The following ZZEF1 variants were observed in gnomAD, a reference collection of about 807,000 sequenced individuals.
ZZEF1 encodes the protein zinc finger ZZ-type and EF-hand domain-containing protein 1.
In ZZEF1, 157 loss-of-function variants were observed where a neutral mutation model predicts 342.8. That is an observed-to-expected ratio of 0.46 (90% CI 0.40 to 0.52). ZZEF1 has a LOEUF of 0.52. ZZEF1 is among the 20% of genes least tolerant of loss of function. The pLI is 0.00. For missense variants in ZZEF1, 3,480 were observed against 3,725.6 expected (o/e 0.93, Z 1.72); for synonymous variants, 1,505 against 1,429.1 (o/e 1.05, Z -1.20).
intron 23 of ZZEF1, among the ~76,000 whole-genome samples, chr17:4,074,719 GCTCTAACTGTGAGGCAGA>G (rs1378150474): frequency 6.6e-6 from 1 of 152,218 alleles, no homozygotes; most frequent in Non-Finnish European, 1.5e-5. Flanking sequence ...AGCTCAAGCA[GCTCTAACTGTGAGGCAGA>G]CTCTTGGCTT....
intron 11 of ZZEF1, among the ~76,000 whole-genome samples, 184 bp downstream of exon 11, chr17:4,095,647 T>A (rs1273255983): frequency 6.6e-6 from 1 of 152,170 alleles, no homozygotes; most frequent in East Asian, 1.9e-4. Flanking sequence ...CAAATTAACA[T>A]ACACATCTTC....
Position 4,008,867 on chromosome 17 carries a change from G to A in ZZEF1, c.8805+16C>T, listed in dbSNP as rs1166234839. On this transcript the variant is annotated intron_variant, in intron 54 of 54. Coordinates refer to ENST00000381638, the MANE Select transcript of ZZEF1 (RefSeq NM_015113.4). The surrounding 1 kb of genome is among the most constrained non-coding windows in gnomAD (Gnocchi z 4.2). ...CCCCAGCCTGGGGGCCAGCTCTGTT[G>A]GGGTGGAGAGAGTACCTGTGCCGCA... The A allele has an allele frequency of 9.1e-6, 14 of 1,545,538 alleles. No homozygotes were observed. In the Admixed American group the frequency reaches 2.7e-4, roughly 30 times the overall value.
At chr17:4,078,906 C>G (rs1388008299) in intron 18 of ZZEF1, among the ~76,000 whole-genome samples, 1 of 152,136 alleles carries the variant, frequency 6.6e-6, no homozygotes, top group Middle Eastern at 3.2e-3. Context: ...CTGATTGAAC[C>G]CTAACTCTTT....
intron 51 of ZZEF1, 89 bp from the exon 52 acceptor site, chr17:4,013,703 T>G: frequency 7.4e-7 from 1 of 1,343,282 alleles, no homozygotes; most frequent in African/African-American, 1.5e-5. Flanking sequence ...TTGTGTACGT[T>G]AAGAATTCTA....
chr17:4,064,279 A>T, intron 29 of ZZEF1, 82 bp downstream of exon 29: 1 of 1,076,046 alleles, frequency 9.3e-7, no homozygotes, highest in Non-Finnish European at 1.3e-6. Context: ...GTTCGTTTTT[A>T]ACATGAACTT....
rs149319557 is a variant in ZZEF1 at position 4,080,380 on chromosome 17, C to T, written c.2829+996G>A. 4.4e-3 allele frequency among the ~76,000 whole-genome samples: 671 copies of T among 151,976 alleles called. 6 individuals are homozygous for T. Among genetic ancestry groups the T allele is most frequent in the Non-Finnish European group, 6.2e-3 (424 of 67,990 alleles). On this transcript the variant is annotated intron_variant, in intron 18 of 54. Coordinates refer to ENST00000381638, the MANE Select transcript of ZZEF1 (RefSeq NM_015113.4). ...TTTTGAGACAGAGTTTCGCTCGTTG[C>T]CCAGGCTGGAGTGCTATGGCGCGAT...
At chr17:4,087,869 T>C (rs2145367903) in intron 13 of ZZEF1, among the ~76,000 whole-genome samples, 1 of 151,202 alleles carries the variant, frequency 6.6e-6, no homozygotes, top group South Asian at 2.1e-4. Context: ...CATAAGCCAG[T>C]CTTTCCTGGA....
chr17:4,078,195 G>C (rs989405208), intron 18 of ZZEF1, among the ~76,000 whole-genome samples, 153 bp from the exon 19 acceptor site: 2 of 152,170 alleles, frequency 1.3e-5, no homozygotes, highest in African/African-American at 4.8e-5. Flanking sequence ...CAGTCACCAA[G>C]AAAGATGGTA....
At position 4,082,489 on chromosome 17, in the gene ZZEF1, C is replaced by T. The variant is rs777140239; in HGVS notation, c.2662G>A (p.Glu888Lys). ...LFTMMNVTEQ[E>K]HKQSLQLTFR... Reference sequence around the variant, plus strand: ...GTGAGCTGCAGGGACTGCTTGTGCTCCTGCTCGGTGACATTCTTCTAGAAA... The same window carrying T: ...GTGAGCTGCAGGGACTGCTTGTGCTTCTGCTCGGTGACATTCTTCTAGAAA... The change falls in exon 17 of 55, where the codon GAG becomes AAG. Residue 888 changes from glutamate (E) to lysine (K), a missense_variant. Physicochemically the swap from Glu to Lys is moderately conservative, Grantham distance 56. Coordinates refer to ENST00000381638, the MANE Select transcript of ZZEF1 (RefSeq NM_015113.4). 22 of 1,613,918 alleles carry T rather than the reference C, an allele frequency of 1.4e-5. No individual in the cohort carries two copies. Among genetic ancestry groups the T allele is most frequent in the Non-Finnish European group, 1.9e-5 (22 of 1,179,990 alleles).
intron 2 of ZZEF1, among the ~76,000 whole-genome samples, chr17:4,120,282 G>A (rs1373141707): frequency 4.0e-5 from 6 of 151,842 alleles, no homozygotes; most frequent in African/African-American, 9.7e-5. Flanking sequence ...GCTTGAATCC[G>A]GGAGGCAGAA....
rs766456952 is a variant in ZZEF1 at position 4,006,912 on chromosome 17, C to T, written c.8864G>A (p.Arg2955His). 2.5e-6 allele frequency: 4 copies of T among 1,569,666 alleles called. No individual in the cohort carries two copies. The highest frequency in any genetic ancestry group is 2.3e-5 in the East Asian group (1 of 42,746). ...LAINYPNKAT[R>H]LWNVEC ...GGGCTAACACTCCACATTCCAGAGGCGGGTGGCCTTGTTTGGGTAGTTGAT... is the reference window on the plus strand; with the variant it reads ...GGGCTAACACTCCACATTCCAGAGGTGGGTGGCCTTGTTTGGGTAGTTGAT... The change falls in exon 55 of 55, where the codon CGC (arginine) becomes CAC (histidine). Residue 2955 changes from arginine (R) to histidine (H), a missense_variant. By Grantham distance (29) the Arg-to-His change is conservative. Coordinates refer to ENST00000381638, the MANE Select transcript of ZZEF1 (RefSeq NM_015113.4).
intron 40 of ZZEF1, 70 bp downstream of exon 40, chr17:4,033,945 T>C: frequency 4.4e-6 from 7 of 1,574,344 alleles, no homozygotes; most frequent in Non-Finnish European, 5.2e-6. Flanking sequence ...AGCCAGACCT[T>C]CAACTTAAAC....
At chr17:4,133,659 T>C (rs1217800439) in intron 1 of ZZEF1, among the ~76,000 whole-genome samples, 1 of 152,132 alleles carries the variant, frequency 6.6e-6, no homozygotes, top group African/African-American at 2.4e-5. Context: ...CAACTCCTGC[T>C]GTGTATTGCT....
chr17:4,074,088 A>G, intron 24 of ZZEF1, 62 bp downstream of exon 24: 1 of 1,581,212 alleles, frequency 6.3e-7, no homozygotes, highest in Non-Finnish European at 8.6e-7. Flanking sequence ...ACAAGAGGGC[A>G]AGCGCGCATC....
chr17:4,068,609 A>T (rs1006429835), intron 26 of ZZEF1, among the ~76,000 whole-genome samples: 1 of 152,150 alleles, frequency 6.6e-6, no homozygotes, highest in African/African-American at 2.4e-5. Flanking sequence ...ATTTTTAAAG[A>T]AAGATCTATG....
At chr17:4,099,420 CTA>C (rs2058090163) in intron 9 of ZZEF1, among the ~76,000 whole-genome samples, 1 of 152,006 alleles carries the variant, frequency 6.6e-6, no homozygotes, top group African/African-American at 2.4e-5. Context: ...CTGGATCTCA[CTA>C]TGTTACCCAG....
intron 6 of ZZEF1, among the ~76,000 whole-genome samples, chr17:4,107,960 C>T (rs984272214): frequency 9.9e-5 from 15 of 152,138 alleles, no homozygotes; most frequent in African/African-American, 3.6e-4. Context: ...GTCAAAAGGA[C>T]ACACAAGCCA....
chr17:4,064,947 C>T (rs1407120247), intron 28 of ZZEF1, 118 bp from the exon 29 acceptor site: 8 of 711,258 alleles, frequency 1.1e-5, no homozygotes, highest in Admixed American at 2.9e-5. Flanking sequence ...TTAATGGGTG[C>T]AGCACACCAA....
intron 52 of ZZEF1, among the ~76,000 whole-genome samples, chr17:4,012,333 A>C (rs1366410538): frequency 6.6e-6 from 1 of 152,126 alleles, no homozygotes; most frequent in African/African-American, 2.4e-5. Flanking sequence ...TTATGGACTG[A>C]CTACACAAGC....
Sources: allele counts gnomAD v4.1 joint callset (sites outside exome capture counted in the v4.1 genomes callset), GRCh38; gene constraint gnomAD v4.1.1; non-coding constraint Gnocchi (gnomAD v3.1); transcripts MANE v1.5; gene names NCBI Gene and HGNC (gene_info 2026-07-23, HGNC 2026-07-21).